The following ABLIM2 variants were observed in gnomAD, a reference collection of about 807,000 sequenced individuals.
ABLIM2 encodes actin-binding LIM protein 2.
In ABLIM2, 53 loss-of-function variants were observed where a neutral mutation model predicts 97.7. The ratio of observed to expected loss-of-function variants is 0.54; its 90% confidence interval spans 0.44 to 0.68. The LOEUF is 0.68. ABLIM2 is among the 30% of genes least tolerant of loss of function. ABLIM2 has a pLI of 0.00. For synonymous variants in ABLIM2, 361 were observed against 345.8 expected, an observed-to-expected ratio of 1.04 and a Z score of -0.49; for missense variants, 835 against 867.2, an observed-to-expected ratio of 0.96 and a Z score of 0.47.
At chr4:8,079,781 C>T (rs755595826) in intron 5 of ABLIM2, among the ~76,000 whole-genome samples, 4 of 152,146 alleles carry the variant, frequency 2.6e-5, no homozygotes, top group Non-Finnish European at 4.4e-5. Flanking sequence ...TGTGTGCGCG[C>T]GCCTCACTCC....
chr4:7,968,271 C>A (rs1192918007), intron 20 of ABLIM2, among the ~76,000 whole-genome samples: 4 of 152,252 alleles, frequency 2.6e-5, no homozygotes, highest in Non-Finnish European at 4.4e-5. Flanking sequence ...GGGGAGTTTT[C>A]TGTAGTTCTG....
chr4:7,974,155 G>A (rs1200673790), intron 20 of ABLIM2, among the ~76,000 whole-genome samples: 4 of 152,148 alleles, frequency 2.6e-5, no homozygotes, highest in Non-Finnish European at 4.4e-5. Context: ...GTATATGGCT[G>A]TGGCTATCTG....
chr4:7,967,531 G>T (rs576856670), intron 20 of ABLIM2, among the ~76,000 whole-genome samples: 1 of 152,150 alleles, frequency 6.6e-6, no homozygotes, highest in Non-Finnish European at 1.5e-5. Context: ...GTTTACCCCC[G>T]GGACTTCGTA....
At position 8,155,313 on chromosome 4, in the gene ABLIM2, T is replaced by G. The variant is rs1181308208; in HGVS notation, c.10+3367A>C. 1.3e-5 allele frequency among the ~76,000 whole-genome samples: 2 copies of G among 152,170 alleles called. No individual in the cohort carries two copies. Among genetic ancestry groups the G allele is most frequent in the East Asian group, 3.8e-4 (2 of 5,200 alleles). On this transcript the variant is annotated intron_variant, in intron 1 of 20. Transcript: ENST00000447017. The surrounding 1 kb of genome is among the most constrained non-coding windows in gnomAD (Gnocchi z 4.2). ...CCCATTCTTGGATTAGGTGAAGAAA[T>G]GTGTCTCTGTTCCAAATACTAGGAT...
At chr4:7,969,560 C>A (rs1577479707) in intron 20 of ABLIM2, among the ~76,000 whole-genome samples, 1 of 152,090 alleles carries the variant, frequency 6.6e-6, no homozygotes, top group Non-Finnish European at 1.5e-5. Context: ...AAAGTGTAAA[C>A]CATTGCCACT....
intron 1 of ABLIM2, among the ~76,000 whole-genome samples, chr4:8,145,636 A>C (rs547821556): frequency 6.6e-6 from 1 of 151,920 alleles, no homozygotes; most frequent in East Asian, 1.9e-4. Context: ...AGGACATGAA[A>C]TCTCAGGCCA....
At chr4:8,157,796 G>A (rs1314938631) in intron 1 of ABLIM2, among the ~76,000 whole-genome samples, 3 of 152,274 alleles carry the variant, frequency 2.0e-5, no homozygotes, top group Non-Finnish European at 4.4e-5. Flanking sequence ...CCCTTCCTGA[G>A]CCAAGCAAGT....
chr4:8,092,139 AG>A (rs1829170054), intron 3 of ABLIM2, among the ~76,000 whole-genome samples: 2 of 151,092 alleles, frequency 1.3e-5, no homozygotes, highest in Admixed American at 1.3e-4. Context: ...CTGAGATTAC[AG>A]GTGCCTGCCA....
At position 8,125,433 on chromosome 4, in the gene ABLIM2, T is replaced by C. The variant is rs991582362; in HGVS notation, c.11-18796A>G. 6.6e-6 allele frequency among the ~76,000 whole-genome samples: 1 copy of C among 152,252 alleles called. No homozygotes were observed. Among genetic ancestry groups the C allele is most frequent in the Non-Finnish European group, 1.5e-5 (1 of 68,038 alleles). On this transcript the variant is annotated intron_variant, in intron 1 of 20. Coordinates refer to ENST00000447017, the MANE Select transcript of ABLIM2 (RefSeq NM_001130083.2). This position sits in a 1 kb window ranked among gnomAD's most constrained non-coding sequence, Gnocchi z 6.2. The stretch of plus-strand genomic sequence containing the variant: ...AGTTTTAATTGTGGATACCCTTGCT[T>C]CGCATGTGAATCGCGATCTGCAGTG...
In ABLIM2 at chr4:7,966,925, C is replaced by T. The variant is rs545095364; in HGVS notation, c.*65G>A. On this transcript the variant is annotated 3_prime_UTR_variant, in exon 21 of 21. Coordinates refer to ENST00000447017, the MANE Select transcript of ABLIM2 (RefSeq NM_001130083.2). ...GCAAGGTGTGTGGGAGGGGTGTGTG[C>T]GGTTCTCGCCAGGGGCCCCTGGCCT... 107 of 837,380 alleles carry T rather than the reference C, an allele frequency of 1.3e-4. No homozygotes were observed. In the African/African-American group the frequency reaches 1.4e-3, roughly 11 times the overall value. The allele number at this position is 837,380 out of a possible 1,614,324, so 51.9% of individuals were successfully genotyped here.
chr4:8,078,671 C>T (rs915788275), intron 5 of ABLIM2, among the ~76,000 whole-genome samples: 9 of 152,220 alleles, frequency 5.9e-5, no homozygotes, highest in Non-Finnish European at 2.9e-5. Flanking sequence ...TGCTCAAATG[C>T]CACATCCCAG....
At chr4:8,114,759 C>T (rs1168275328) in intron 1 of ABLIM2, among the ~76,000 whole-genome samples, 1 of 151,316 alleles carries the variant, frequency 6.6e-6, no homozygotes, top group Non-Finnish European at 1.5e-5. Context: ...CTCTCCTTGC[C>T]AAGAGCTAGG....
At chr4:8,076,439 G>A (rs574954014) in intron 6 of ABLIM2, among the ~76,000 whole-genome samples, 1 of 152,248 alleles carries the variant, frequency 6.6e-6, no homozygotes, top group East Asian at 1.9e-4. Flanking sequence ...GCGGCAGCCA[G>A]TGGGAGCTCT....
At position 8,067,704 on chromosome 4, in the gene ABLIM2, T is replaced by C. The variant is rs1443475913; in HGVS notation, c.676-6650A>G. On this transcript the variant is annotated intron_variant, in intron 6 of 20. Transcript: ENST00000447017. The surrounding 1 kb of genome is among the most constrained non-coding windows in gnomAD (Gnocchi z 5.4). ...GTCAAGTGGACGGAGCAAATGTGCC[T>C]GCCGGTGCTCAGGCCTGTCCCAGGC... 1 of 152,276 alleles carries C rather than the reference T, an allele frequency of 6.6e-6. No homozygotes were observed. Among genetic ancestry groups the C allele is most frequent in the Non-Finnish European group, 1.5e-5 (1 of 68,062 alleles). The allele number at this position is 152,276 out of a possible 1,614,324, so 9.4% of individuals were successfully genotyped here.
intron 1 of ABLIM2, among the ~76,000 whole-genome samples, chr4:8,133,989 G>T (rs965644416): frequency 6.6e-6 from 1 of 152,160 alleles, no homozygotes; most frequent in African/African-American, 2.4e-5. Flanking sequence ...AGGTTGCAGG[G>T]GGGGGTGACG....
At chr4:8,050,826 G>A (rs1795538329) in intron 8 of ABLIM2, among the ~76,000 whole-genome samples, 1 of 152,222 alleles carries the variant, frequency 6.6e-6, no homozygotes, top group Admixed American at 6.5e-5. Context: ...GGCGCTAAGA[G>A]GCCAGCCGCT....
At position 8,084,433 on chromosome 4, in the gene ABLIM2, G is replaced by A. The variant is rs879613406; in HGVS notation, c.455-3631C>T. ...TTTCCCAGGCAGCCAGCAAGGGGGC[G>A]GGGGCTCTGGTTTGGGCACCCACCC... On this transcript the variant is annotated intron_variant, in intron 4 of 20. Transcript: ENST00000447017. Among the ~76,000 whole-genome samples the A allele has an allele frequency of 3.9e-5, 6 of 152,292 alleles. No individual in the cohort carries two copies. In the South Asian group the frequency reaches 1.0e-3, roughly 26 times the overall value.
intron 2 of ABLIM2, among the ~76,000 whole-genome samples, chr4:8,103,185 A>G (rs536585036): frequency 6.6e-6 from 1 of 152,162 alleles, no homozygotes; most frequent in Non-Finnish European, 1.5e-5. Context: ...CTACCTCCAG[A>G]CTTCGTGTTA....
intron 1 of ABLIM2, among the ~76,000 whole-genome samples, chr4:8,131,461 G>C (rs1452675314): frequency 6.6e-6 from 1 of 152,188 alleles, no homozygotes; most frequent in Non-Finnish European, 1.5e-5. Flanking sequence ...CCAGGGTGGG[G>C]ACCGGGACGA....
Sources: allele counts gnomAD v4.1 joint callset (sites outside exome capture counted in the v4.1 genomes callset), GRCh38; gene constraint gnomAD v4.1.1; non-coding constraint Gnocchi (gnomAD v3.1); transcripts MANE v1.5; gene names NCBI Gene and HGNC (gene_info 2026-07-23, HGNC 2026-07-21).